Variants in FRMD4A observed in about 807,000 individuals in gnomAD.
FRMD4A encodes the protein FERM domain containing 4A.
Under a neutral mutation model 129.1 loss-of-function variants are expected in FRMD4A, and 29 were observed. That is an observed-to-expected ratio of 0.22 (90% CI 0.17 to 0.31). The LOEUF (loss-of-function observed/expected upper bound fraction) is 0.31, where lower values mean the gene tolerates loss of function less well. Among genes scored for constraint, FRMD4A ranks in the 10% least tolerant of loss-of-function variants. The pLI, the probability that FRMD4A is intolerant of heterozygous loss-of-function variation, is 1.00. For missense variants in FRMD4A, 1,272 were observed against 1,375.8 expected (o/e 0.92, Z 1.19); for synonymous variants, 634 against 571.6 (o/e 1.11, Z -1.56).
chr10:13,985,448 T>C (rs1009312866), intron 2 of FRMD4A, among the ~76,000 whole-genome samples: 12 of 152,180 alleles, frequency 7.9e-5, no homozygotes, highest in Admixed American at 7.8e-4. Context: ...TCTAGACTCA[T>C]TTAAATCTCC....
chr10:13,683,498 G>A (rs1342256093), intron 15 of FRMD4A, among the ~76,000 whole-genome samples: 1 of 151,992 alleles, frequency 6.6e-6, no homozygotes, highest in Non-Finnish European at 1.5e-5. Context: ...CCAAAAGGCT[G>A]AGGCAGGAAG....
At chr10:14,050,122 G>A (rs1253909765) in intron 2 of FRMD4A, among the ~76,000 whole-genome samples, 1 of 152,180 alleles carries the variant, frequency 6.6e-6, no homozygotes, top group Non-Finnish European at 1.5e-5. Flanking sequence ...TGGGGCTAAT[G>A]ACATTCTTCT....
At chr10:13,940,778 G>A (rs1026354532) in intron 2 of FRMD4A, among the ~76,000 whole-genome samples, 3 of 152,272 alleles carry the variant, frequency 2.0e-5, no homozygotes, top group Non-Finnish European at 4.4e-5. Flanking sequence ...TTTCCAAGCA[G>A]CCCAATACTG....
intron 3 of FRMD4A, among the ~76,000 whole-genome samples, chr10:13,856,386 C>A (rs1477017602): frequency 6.6e-6 from 1 of 151,982 alleles, no homozygotes; most frequent in Non-Finnish European, 1.5e-5. Flanking sequence ...ACATTATGTG[C>A]CTGACCCTGG....
At chr10:14,196,521 A>T (rs1481756587) in intron 2 of FRMD4A, among the ~76,000 whole-genome samples, 1 of 152,248 alleles carries the variant, frequency 6.6e-6, no homozygotes, top group Non-Finnish European at 1.5e-5. Context: ...TTTACACAAG[A>T]AAAACAAATA....
intron 2 of FRMD4A, among the ~76,000 whole-genome samples, chr10:13,976,519 G>T (rs1019995737): frequency 1.3e-5 from 2 of 150,596 alleles, no homozygotes; most frequent in Non-Finnish European, 2.9e-5. Context: ...CCAGACCCTC[G>T]TTCACTGCTT....
chr10:14,218,667 C>T (rs944167975), intron 2 of FRMD4A, among the ~76,000 whole-genome samples: 4 of 152,026 alleles, frequency 2.6e-5, no homozygotes, highest in African/African-American at 9.7e-5. Flanking sequence ...CAGGTCCCTC[C>T]CACATGTGGG....
Position 14,154,911 on chromosome 10 carries a change from T to C in FRMD4A, c.45+175147A>G, listed in dbSNP as rs17154749. ...TTTCTTTGTTGGTCTGAAAGAAATA[T>C]GGCAGGCAAAACAATCCTGGGCCAG... On this transcript the variant is annotated intron_variant, in intron 2 of 24. Coordinates refer to ENST00000357447, the MANE Select transcript of FRMD4A (RefSeq NM_018027.5). Among the ~76,000 whole-genome samples the C allele has an allele frequency of 8.9e-3, 1,358 of 152,340 alleles. 27 individuals carry two copies. Among genetic ancestry groups the C allele is most frequent in the African/African-American group, 0.03 (1,262 of 41,582 alleles).
chr10:14,171,908 T>C (rs1193873006), intron 2 of FRMD4A, among the ~76,000 whole-genome samples: 1 of 152,200 alleles, frequency 6.6e-6, no homozygotes, highest in Non-Finnish European at 1.5e-5. Flanking sequence ...GGAGGCATAA[T>C]GTGATCAAAG....
At chr10:13,788,513 T>C (rs78581860) in intron 5 of FRMD4A, among the ~76,000 whole-genome samples, 10,282 of 152,280 alleles carry the variant, frequency 0.068, 526 homozygotes, top group Middle Eastern at 0.14. Context: ...TCAATGTCTG[T>C]CCTCTCCTCA....
Position 14,125,555 on chromosome 10 carries a change from G to A in FRMD4A, c.45+204503C>T, listed in dbSNP as rs1040463024. On this transcript the variant is annotated intron_variant, in intron 2 of 24. Coordinates refer to ENST00000357447, the MANE Select transcript of FRMD4A (RefSeq NM_018027.5). The stretch of plus-strand genomic sequence containing the variant: ...GAGGAACAATCTGGGTGAGAGGGGC[G>A]TTTTGCCTGCTCTAAGGTTAGAATG... Among the ~76,000 whole-genome samples the A allele has an allele frequency of 3.9e-5, 6 of 152,342 alleles. No individual in the cohort carries two copies. The South Asian group carries it at 6.2e-4, about 16-fold the overall frequency.
chr10:13,658,126 C>G, intron 21 of FRMD4A, among the ~76,000 whole-genome samples: 1 of 118,820 alleles, frequency 8.4e-6, no homozygotes, highest in East Asian at 2.3e-4. Flanking sequence ...AAGACCCTGT[C>G]TCTCTTAAAA....
intron 2 of FRMD4A, among the ~76,000 whole-genome samples, chr10:13,991,322 T>C (rs2095602516): frequency 6.6e-6 from 1 of 152,186 alleles, no homozygotes; most frequent in African/African-American, 2.4e-5. Flanking sequence ...CCTTGTGAGT[T>C]TGGACTCTGC....
intron 2 of FRMD4A, among the ~76,000 whole-genome samples, chr10:14,070,649 G>A (rs903489446): frequency 1.3e-5 from 2 of 152,126 alleles, no homozygotes; most frequent in Non-Finnish European, 2.9e-5. Flanking sequence ...TGTTATCTAT[G>A]TTGTAGTACT....
At chr10:13,702,710 A>G (rs1190676036) in intron 13 of FRMD4A, among the ~76,000 whole-genome samples, 3 of 152,142 alleles carry the variant, frequency 2.0e-5, no homozygotes, top group African/African-American at 7.2e-5. Context: ...CTTACAAACA[A>G]TAACATTTTT....
At chr10:14,003,234 G>T (rs555538942) in intron 2 of FRMD4A, among the ~76,000 whole-genome samples, 5 of 152,190 alleles carry the variant, frequency 3.3e-5, no homozygotes, top group African/African-American at 1.2e-4. Flanking sequence ...AGCTGGAATG[G>T]ACAGTGCCTT....
At chr10:13,847,002 A>C (rs1462702850) in intron 3 of FRMD4A, among the ~76,000 whole-genome samples, 1 of 152,196 alleles carries the variant, frequency 6.6e-6, no homozygotes, top group African/African-American at 2.4e-5. Flanking sequence ...AGGAGAAGGA[A>C]AGTTGTTCCC....
At chr10:14,219,899 A>G (rs942493832) in intron 2 of FRMD4A, among the ~76,000 whole-genome samples, 5 of 152,314 alleles carry the variant, frequency 3.3e-5, no homozygotes, top group Non-Finnish European at 7.4e-5. Context: ...ACTACTTGCT[A>G]TTGAGAGTGA....
intron 2 of FRMD4A, among the ~76,000 whole-genome samples, chr10:14,310,357 C>T (rs769029446): frequency 1.3e-5 from 2 of 152,220 alleles, no homozygotes; most frequent in Admixed American, 6.5e-5. Context: ...ATTATTTAGG[C>T]AGACAGTGAG....
Sources: gnomAD v4.1 joint callset for allele counts (sites outside exome capture counted in the v4.1 genomes callset) on GRCh38, gnomAD v4.1.1 for gene constraint, MANE v1.5 for transcripts, NCBI Gene and HGNC (gene_info 2026-07-23, HGNC 2026-07-21) for gene names.